STK33: variants seen among roughly 807,000 people sequenced by gnomAD.
The protein encoded by STK33 is serine/threonine kinase 33.
In STK33, 52 loss-of-function variants were observed where a neutral mutation model predicts 58.0. The observed-to-expected ratio is 0.90, with a 90% CI of 0.72 to 1.13. STK33 has a LOEUF of 1.13. STK33 is among the 50% of genes most tolerant of loss of function. The pLI is 0.00. For synonymous variants in STK33, 215 were observed against 200.1 expected (o/e 1.07, Z -0.63); for missense variants, 630 against 604.2 (o/e 1.04, Z -0.45).
intron 1 of STK33, among the ~76,000 whole-genome samples, chr11:8,541,136 A>G (rs1396941311): frequency 6.6e-6 from 1 of 152,112 alleles, no homozygotes; most frequent in Non-Finnish European, 1.5e-5. Context: ...AATTCAGTTC[A>G]GATGTTATGC....
intron 1 of STK33, among the ~76,000 whole-genome samples, chr11:8,512,852 T>A (rs1488100548): frequency 6.6e-6 from 1 of 152,148 alleles, no homozygotes; most frequent in Non-Finnish European, 1.5e-5. Flanking sequence ...ATTACCTAGT[T>A]CCCTGCTCTT....
chr11:8,484,342 C>G (rs1169058705), intron 1 of STK33, among the ~76,000 whole-genome samples: 1 of 152,222 alleles, frequency 6.6e-6, no homozygotes, highest in Non-Finnish European at 1.5e-5. Context: ...CGATGCATGA[C>G]AGCATCAGGA....
At chr11:8,393,694 C>T (rs1038047211) in intron 15 of STK33, among the ~76,000 whole-genome samples, 1 of 152,198 alleles carries the variant, frequency 6.6e-6, no homozygotes, top group African/African-American at 2.4e-5. Flanking sequence ...ATCAGGTTAA[C>T]AATTTTCAAA....
chr11:8,446,271 TTTC>T (rs1009695455), intron 11 of STK33, among the ~76,000 whole-genome samples: 36 of 106,112 alleles, frequency 3.4e-4, no homozygotes, highest in Non-Finnish European at 6.5e-4. Context: ...TTCTCTCTTT[TTTC>T]TTATTAGTCT....
Position 8,424,320 on chromosome 11 carries a change from A to T in STK33, c.1147-10628T>A, listed in dbSNP as rs1193018882. Among the ~76,000 whole-genome samples, 3 of 124,774 alleles carry T rather than the reference A, an allele frequency of 2.4e-5. No individual in the cohort carries two copies. The East Asian group carries it at 6.8e-4, about 28-fold the overall frequency. 81.9% of individuals were successfully genotyped at this position (124,774 alleles called of 152,430 possible). A position where few individuals can be genotyped will look rare whatever the true frequency, so the allele number is the denominator to read the frequency against. On this transcript the variant is annotated intron_variant, in intron 14 of 15. Transcript: ENST00000687296. Reference sequence around the variant, plus strand: ...ATGTCCCTACAAAGGACATGAACTCATCATTTTTTATGGCTGCATAGTATT... The same window carrying T: ...ATGTCCCTACAAAGGACATGAACTCTTCATTTTTTATGGCTGCATAGTATT...
chr11:8,383,104 G>A, the STK33 span, among the ~76,000 whole-genome samples: 2 of 152,188 alleles, frequency 1.3e-5, no homozygotes, highest in Non-Finnish European at 1.5e-5. Flanking sequence ...ACAGTGTTCC[G>A]AGGACTGGGG....
At chr11:8,548,744 G>T (rs576764397) in intron 1 of STK33, among the ~76,000 whole-genome samples, 1 of 152,202 alleles carries the variant, frequency 6.6e-6, no homozygotes, top group South Asian at 2.1e-4. Context: ...ATGATCATGG[G>T]ACATCTTTCC....
chr11:8,401,266 C>T (rs569845970), intron 15 of STK33, among the ~76,000 whole-genome samples: 79 of 152,264 alleles, frequency 5.2e-4, no homozygotes, highest in African/African-American at 1.9e-3. Flanking sequence ...GGTACCAAAA[C>T]AGAGATATAG....
intron 1 of STK33, among the ~76,000 whole-genome samples, chr11:8,490,200 G>C (rs934528400): frequency 6.6e-6 from 1 of 152,202 alleles, no homozygotes; most frequent in Non-Finnish European, 1.5e-5. Context: ...TGGAAAAACA[G>C]GACACTCCTG....
chr11:8,520,414 T>C (rs1953298998), intron 1 of STK33, among the ~76,000 whole-genome samples: 1 of 152,104 alleles, frequency 6.6e-6, no homozygotes. Context: ...ACTGGAAGCA[T>C]TCCCTTTGAA....
At chr11:8,364,844 T>A in the STK33 span, among the ~76,000 whole-genome samples, 2 of 152,230 alleles carry the variant, frequency 1.3e-5, no homozygotes, top group Non-Finnish European at 2.9e-5. Flanking sequence ...ATAGTTGCTA[T>A]GAATGTTCTT....
intron 1 of STK33, among the ~76,000 whole-genome samples, chr11:8,494,045 G>A (rs972296361): frequency 7.2e-5 from 11 of 152,150 alleles, no homozygotes; most frequent in African/African-American, 2.7e-4. Flanking sequence ...CACAAGACAG[G>A]GATGCCCTCT....
intron 1 of STK33, among the ~76,000 whole-genome samples, chr11:8,514,587 T>C (rs1164603524): frequency 6.6e-6 from 1 of 152,186 alleles, no homozygotes; most frequent in Non-Finnish European, 1.5e-5. Flanking sequence ...CCTTATTACA[T>C]TGAGGTAGAA....
chr11:8,383,183 C>A, the STK33 span, among the ~76,000 whole-genome samples: 8 of 152,106 alleles, frequency 5.3e-5, no homozygotes, highest in East Asian at 1.5e-3. Flanking sequence ...GAATGAAGGG[C>A]CTAGAAACAT....
At chr11:8,463,153 T>A (rs900123258) in intron 7 of STK33, among the ~76,000 whole-genome samples, 6 of 152,118 alleles carry the variant, frequency 3.9e-5, no homozygotes, top group African/African-American at 1.4e-4. Context: ...TAAGTCACAT[T>A]TAAAGGTTAA....
At chr11:8,593,609 C>G (rs1302222173) in intron 1 of STK33, 1 of 152,130 alleles carries the variant, frequency 6.6e-6, no homozygotes. Context: ...TGTGCAGCCT[C>G]TAGGTGCAAG....
intron 1 of STK33, among the ~76,000 whole-genome samples, chr11:8,495,221 T>C (rs1019408923): frequency 6.6e-5 from 10 of 151,822 alleles, no homozygotes; most frequent in African/African-American, 2.4e-4. Context: ...ATATCCAGAA[T>C]CTACAAAGAA....
chr11:8,498,777 C>G (rs1442641341), intron 1 of STK33, among the ~76,000 whole-genome samples: 1 of 152,204 alleles, frequency 6.6e-6, no homozygotes, highest in East Asian at 1.9e-4. Context: ...GAAATAACAC[C>G]ACACATCTAC....
the STK33 span, among the ~76,000 whole-genome samples, chr11:8,338,524 GC>G: frequency 6.6e-6 from 1 of 152,140 alleles, no homozygotes; most frequent in Admixed American, 6.5e-5. Flanking sequence ...GCCTTCAGCT[GC>G]CTCCCACAAG....
Sources: allele counts gnomAD v4.1 joint callset (sites outside exome capture counted in the v4.1 genomes callset), GRCh38; gene constraint gnomAD v4.1.1; transcripts MANE v1.5; gene names NCBI Gene and HGNC (gene_info 2026-07-23, HGNC 2026-07-21).